RILPL1: variants seen among roughly 807,000 people sequenced by gnomAD.
RILPL1 encodes the protein RILP-like protein 1.
A neutral mutation model predicts 50.3 loss-of-function variants in RILPL1; 33 were observed. That is an observed-to-expected ratio of 0.66 (90% CI 0.50 to 0.88). The LOEUF (loss-of-function observed/expected upper bound fraction) is 0.88. Ranked by LOEUF, RILPL1 falls within the 40% of genes least tolerant of loss-of-function variation. RILPL1 has a pLI of 0.00. For synonymous variants in RILPL1, 205 were observed against 228.6 expected, an observed-to-expected ratio of 0.90 and a Z score of 0.93; for missense variants, 418 against 542.5, an observed-to-expected ratio of 0.77 and a Z score of 2.28.
chr12:123,473,822 AAAAG>A (rs1881387169), intron 6 of RILPL1: 1 of 129,838 alleles, frequency 7.7e-6, no homozygotes, highest in African/African-American at 2.5e-5. Context: ...TACCATAGAA[AAAAG>A]AAAGAAAAAA....
rs1358705390 is a variant in RILPL1, at chr12:123,521,638, T to C, written c.460+1857A>G. ...ATATGTGTATATATATACACACATA[T>C]GTGTATATATATACACATATATGTA... On this transcript the variant is annotated intron_variant, in intron 2 of 6. Coordinates refer to ENST00000376874, the MANE Select transcript of RILPL1 (RefSeq NM_178314.5). 2.1e-4 allele frequency among the ~76,000 whole-genome samples: 5 copies of C among 24,276 alleles called. No homozygotes were observed. In the South Asian group the frequency reaches 4.3e-3, roughly 21 times the overall value. The allele number at this position is 24,276 out of a possible 152,430, so 15.9% of individuals were successfully genotyped here.
intron 2 of RILPL1, among the ~76,000 whole-genome samples, chr12:123,503,049 G>A (rs556790714): frequency 2.5e-4 from 38 of 151,146 alleles, no homozygotes; most frequent in Admixed American, 3.3e-4. Flanking sequence ...CACCACGCTC[G>A]GCTAATTTTT....
At chr12:123,530,410 C>T (rs572805287) in intron 1 of RILPL1, among the ~76,000 whole-genome samples, 2 of 152,180 alleles carry the variant, frequency 1.3e-5, no homozygotes, top group African/African-American at 2.4e-5. Flanking sequence ...AAGTGATCCA[C>T]CCGCCTTGGC....
chr12:123,533,601 G>A lies in RILPL1; in HGVS notation c.-119C>T, dbSNP rs1301500087. 2 of 759,376 alleles carry A rather than the reference G, an allele frequency of 2.6e-6. No homozygotes were observed. Among genetic ancestry groups the A allele is most frequent in the Non-Finnish European group, 1.7e-6 (1 of 594,960 alleles). The allele number at this position is 759,376 out of a possible 1,614,324, so 47.0% of individuals were successfully genotyped here. On this transcript the variant is annotated 5_prime_UTR_variant, in exon 1 of 7. Coordinates refer to ENST00000376874, the MANE Select transcript of RILPL1 (RefSeq NM_178314.5). The surrounding 1 kb of genome is among the most constrained non-coding windows in gnomAD (Gnocchi z 6.2). ...CCGCGGGCGGGCGCGCTCAGCGGGC[G>A]CTGGGGCGAGGGCGCAGCGGGCAGC...
intron 6 of RILPL1, among the ~76,000 whole-genome samples, chr12:123,481,692 G>T (rs1431346829): frequency 1.3e-5 from 2 of 151,908 alleles, no homozygotes. Flanking sequence ...AAGTAGCTGG[G>T]ATTACAGGTG....
chr12:123,478,075 C>T (rs1881722349), intron 6 of RILPL1, among the ~76,000 whole-genome samples: 1 of 148,564 alleles, frequency 6.7e-6, no homozygotes, highest in South Asian at 2.1e-4. Flanking sequence ...GGGCCCACTG[C>T]AGCCGCGACC....
chr12:123,500,278 CTT>C (rs61119415), intron 2 of RILPL1, among the ~76,000 whole-genome samples: 23 of 88,270 alleles, frequency 2.6e-4, no homozygotes, highest in African/African-American at 5.4e-4. Context: ...GTGTCCCTTT[CTT>C]TTTTTTTTTT....
At chr12:123,512,359 T>TGAG in intron 2 of RILPL1, among the ~76,000 whole-genome samples, 1 of 134,040 alleles carries the variant, frequency 7.5e-6, no homozygotes, top group African/African-American at 2.9e-5. Context: ...TGTATGTGTG[T>TGAG]GTGTGTGTGT....
chr12:123,522,280 A>T lies in RILPL1; in HGVS notation c.460+1215T>A, dbSNP rs1885094872. On this transcript the variant is annotated intron_variant, in intron 2 of 6. Coordinates refer to ENST00000376874, the MANE Select transcript of RILPL1 (RefSeq NM_178314.5). This position sits in a 1 kb window ranked among gnomAD's most constrained non-coding sequence, Gnocchi z 4.0. The stretch of plus-strand genomic sequence containing the variant: ...CGGGCAGGAAGCTGCAGGGCTGAGC[A>T]GAGCAGATGCCGCCCACAGCCCCGC... Among the ~76,000 whole-genome samples, 1 of 152,224 alleles carries T rather than the reference A, an allele frequency of 6.6e-6. No homozygotes were observed. Among genetic ancestry groups the T allele is most frequent in the South Asian group, 2.1e-4 (1 of 4,838 alleles).
intron 2 of RILPL1, among the ~76,000 whole-genome samples, chr12:123,499,916 C>T (rs1274205422): frequency 6.6e-6 from 1 of 152,088 alleles, no homozygotes; most frequent in Non-Finnish European, 1.5e-5. Context: ...CTCTCCATCC[C>T]TGACCCACCA....
chr12:123,511,208 ATG>A (rs1193863507), intron 2 of RILPL1, among the ~76,000 whole-genome samples: 2 of 30,426 alleles, frequency 6.6e-5, no homozygotes, highest in Admixed American at 3.5e-4. Flanking sequence ...TGAGGTCTGT[ATG>A]TGTGTGTGTG....
chr12:123,501,064 T>C (rs1883352763), intron 2 of RILPL1, among the ~76,000 whole-genome samples: 1 of 151,476 alleles, frequency 6.6e-6, no homozygotes, highest in African/African-American at 2.4e-5. Context: ...GCCGAGATCG[T>C]GCCATTGGAC....
At chr12:123,527,676 T>C (rs28497190) in intron 1 of RILPL1, among the ~76,000 whole-genome samples, 84,390 of 151,684 alleles carry the variant, frequency 0.56, 25,447 homozygotes, top group East Asian at 0.9. Flanking sequence ...AAAAAGAGCT[T>C]GTGAGATGGG....
chr12:123,497,251 C>T (rs1380682621), intron 4 of RILPL1, among the ~76,000 whole-genome samples: 1 of 152,218 alleles, frequency 6.6e-6, no homozygotes, highest in Non-Finnish European at 1.5e-5. Context: ...TAGGGTCTCA[C>T]TCTGTTGCCC....
At chr12:123,519,056 C>CAAAA (rs71652717) in intron 2 of RILPL1, among the ~76,000 whole-genome samples, 13 of 58,414 alleles carry the variant, frequency 2.2e-4, no homozygotes, top group African/African-American at 9.2e-4. Flanking sequence ...GACTCCATCT[C>CAAAA]AAAAAAAAAA....
intron 2 of RILPL1, among the ~76,000 whole-genome samples, chr12:123,518,090 A>AGTGTTTAATG (rs1884810228): frequency 6.6e-6 from 1 of 152,150 alleles, no homozygotes; most frequent in African/African-American, 2.4e-5. Context: ...GTGGGAAATT[A>AGTGTTTAATG]GTGTTTAATG....
chr12:123,498,437 G>T lies in RILPL1; in HGVS notation c.801+107C>A. On this transcript the variant is annotated intron_variant, in intron 4 of 6. Coordinates refer to ENST00000376874, the MANE Select transcript of RILPL1 (RefSeq NM_178314.5). This position sits in a 1 kb window ranked among gnomAD's most constrained non-coding sequence, Gnocchi z 4.3. ...GGGGTCTTGCTATGTTGCCCAGGTT[G>T]GCCATTTTCTGAAGTATAATGGGGA... is the stretch of plus-strand genomic sequence containing the variant. The T allele has an allele frequency of 4.2e-6, 4 of 941,594 alleles. No homozygotes were observed. Among genetic ancestry groups the T allele is most frequent in the Non-Finnish European group, 6.5e-6 (4 of 611,484 alleles). 58.3% of individuals were successfully genotyped at this position (941,594 alleles called of 1,614,324 possible).
intron 2 of RILPL1, among the ~76,000 whole-genome samples, chr12:123,508,152 G>T (rs1883869874): frequency 6.6e-6 from 1 of 152,076 alleles, no homozygotes; most frequent in South Asian, 2.1e-4. Context: ...CCAGCACTTT[G>T]GGGGGCCAAG....
intron 1 of RILPL1, among the ~76,000 whole-genome samples, chr12:123,529,141 A>G (rs1232835923): frequency 6.6e-6 from 1 of 152,034 alleles, no homozygotes; most frequent in East Asian, 1.9e-4. Context: ...CCCCAGATCA[A>G]TCTGTGGCTG....
Sources: allele counts gnomAD v4.1 joint callset (sites outside exome capture counted in the v4.1 genomes callset), GRCh38; gene constraint gnomAD v4.1.1; non-coding constraint Gnocchi (gnomAD v3.1); transcripts MANE v1.5; gene names NCBI Gene and HGNC (gene_info 2026-07-23, HGNC 2026-07-21).